Variants in DCAF5 observed in about 807,000 individuals in gnomAD.
The protein encoded by DCAF5 is DDB1 and CUL4 associated factor 5.
A neutral mutation model predicts 80.7 loss-of-function variants in DCAF5; 9 were observed. The ratio of observed to expected loss-of-function variants is 0.11; its 90% CI spans 0.07 to 0.19. The LOEUF (loss-of-function observed/expected upper bound fraction) is 0.19, where lower values mean the gene tolerates loss of function less well. DCAF5 is among the 10% of genes least tolerant of loss of function. The pLI, the probability that DCAF5 is intolerant of heterozygous loss-of-function variation, is 1.00. For missense variants in DCAF5, 842 were observed against 1,205.7 expected (o/e 0.70, Z 4.47); for synonymous variants, 433 against 461.9 (o/e 0.94, Z 0.80).
rs377321543 is a variant in DCAF5 at position 69,075,288 on chromosome 14, T to C, written c.946+57A>G. 2,879 of 1,459,396 alleles carry C rather than the reference T, an allele frequency of 2.0e-3. 51 individuals carry two copies. The South Asian group carries it at 0.026, about 13-fold the overall frequency. 90.4% of individuals were successfully genotyped at this position (1,459,396 alleles called of 1,614,324 possible). A position where few individuals can be genotyped will look rare whatever the true frequency, so the allele number is the denominator to read the frequency against. ...AGATCTGTCCCCTCAGGGCACAGCA[T>C]GCCAAAGGTCAACAGAGCCAGCAAT... is the stretch of plus-strand genomic sequence containing the variant. On this transcript the variant is annotated intron_variant, in intron 7 of 8. Coordinates refer to ENST00000341516, the MANE Select transcript of DCAF5 (RefSeq NM_003861.3).
chr14:69,115,174 G>A (rs1432620629), intron 5 of DCAF5, among the ~76,000 whole-genome samples: 1 of 152,146 alleles, frequency 6.6e-6, no homozygotes, highest in Non-Finnish European at 1.5e-5. Context: ...AGTTCATAGT[G>A]CAAAGGCACA....
At chr14:69,105,033 G>C (rs949216314) in intron 5 of DCAF5, among the ~76,000 whole-genome samples, 3 of 151,844 alleles carry the variant, frequency 2.0e-5, no homozygotes, top group African/African-American at 4.8e-5. Flanking sequence ...TAATATTGTG[G>C]TTATGTTTTT....
intron 2 of DCAF5, among the ~76,000 whole-genome samples, chr14:69,121,512 T>C (rs1209375347): frequency 1.3e-5 from 2 of 152,200 alleles, no homozygotes; most frequent in Non-Finnish European, 2.9e-5. Flanking sequence ...TTAAACCTAA[T>C]AGCTTATATA....
intron 7 of DCAF5, among the ~76,000 whole-genome samples, chr14:69,068,662 C>A (rs973452609): frequency 4.0e-5 from 6 of 148,510 alleles, no homozygotes; most frequent in Admixed American, 1.3e-4. Context: ...CATGCCATTG[C>A]ACTCCAGCCT....
chr14:69,084,810 C>T (rs2039254328), intron 6 of DCAF5: 1 of 1,089,370 alleles, frequency 9.2e-7, no homozygotes, highest in Non-Finnish European at 1.4e-6. Context: ...GATTCAGGAA[C>T]ACTATTGTGT....
chr14:69,148,712 A>C lies in DCAF5; in HGVS notation c.214+4053T>G, dbSNP rs139797856. Reference sequence around the variant, plus strand: ...TCCATTGCCCCCACCGCCCAAAAAAAAAGTAATGTTCACTCAAAATCAAGT... The same window carrying C: ...TCCATTGCCCCCACCGCCCAAAAAACAAGTAATGTTCACTCAAAATCAAGT... On this transcript the variant is annotated intron_variant, in intron 1 of 8. Transcript: ENST00000341516. 3.9e-5 allele frequency among the ~76,000 whole-genome samples: 6 copies of C among 152,294 alleles called. No individual in the cohort carries two copies. The East Asian group carries it at 1.2e-3, about 29-fold the overall frequency.
intron 6 of DCAF5, chr14:69,084,167 G>T: frequency 1.1e-6 from 1 of 911,558 alleles, no homozygotes. Flanking sequence ...TAGAGAACTA[G>T]CCATGCAAAC....
At position 69,052,898 on chromosome 14, in the gene DCAF5, G is replaced by C; in HGVS notation, c.*959C>G. Reference sequence around the variant, plus strand: ...ATTCTGCTCCTCACTAAGCTTCTTCGTTAACACACCTATAACAACTACTTT... The same window carrying C: ...ATTCTGCTCCTCACTAAGCTTCTTCCTTAACACACCTATAACAACTACTTT... On this transcript the variant is annotated 3_prime_UTR_variant, in exon 9 of 9. Coordinates refer to ENST00000341516, the MANE Select transcript of DCAF5 (RefSeq NM_003861.3). 1 of 152,190 alleles carries C rather than the reference G, an allele frequency of 6.6e-6. No individual in the cohort carries two copies. The highest frequency in any genetic ancestry group is 1.5e-5 in the Non-Finnish European group (1 of 68,052). The allele number at this position is 152,190 out of a possible 1,614,324, so 9.4% of individuals were successfully genotyped here. A position where few individuals can be genotyped will look rare whatever the true frequency, so the allele number is the denominator to read the frequency against.
chr14:69,057,348 A>AT (rs11483352), intron 8 of DCAF5, among the ~76,000 whole-genome samples: 53,491 of 147,946 alleles, frequency 0.36, 11,928 homozygotes, highest in East Asian at 0.92. Context: ...AGCCCTTAGG[A>AT]TTTTTTTTTT....
At chr14:69,102,248 A>C (rs991666134) in intron 5 of DCAF5, among the ~76,000 whole-genome samples, 1 of 151,334 alleles carries the variant, frequency 6.6e-6, no homozygotes, top group Non-Finnish European at 1.5e-5. Context: ...AGCTGGGATT[A>C]CAGGCACACG....
chr14:69,068,292 T>C (rs1343989540), intron 7 of DCAF5, among the ~76,000 whole-genome samples: 1 of 152,232 alleles, frequency 6.6e-6, no homozygotes, highest in African/African-American at 2.4e-5. Flanking sequence ...GTTAAAGCCC[T>C]CATCATCCTC....
At chr14:69,070,925 G>A (rs906964250) in intron 7 of DCAF5, among the ~76,000 whole-genome samples, 1 of 151,906 alleles carries the variant, frequency 6.6e-6, no homozygotes, top group Non-Finnish European at 1.5e-5. Context: ...AGCCTCCCGA[G>A]TAGCTGGGAT....
chr14:69,149,669 T>A (rs747924164), intron 1 of DCAF5, among the ~76,000 whole-genome samples: 1 of 152,280 alleles, frequency 6.6e-6, no homozygotes, highest in South Asian at 2.1e-4. Context: ...ATGAAAACAA[T>A]GAACAAACTA....
chr14:69,091,759 C>T lies in DCAF5; in HGVS notation c.794G>A (p.Arg265His), dbSNP rs757111344. The change falls in exon 6 of 9, where the codon CGC becomes CAC. Residue 265 changes from arginine (R) to histidine (H), a missense_variant. Coordinates refer to ENST00000341516, the MANE Select transcript of DCAF5 (RefSeq NM_003861.3). ...ATTGTCAAACTGAAACACAGGCAGG[C>T]GGGAATGGATGTCATAGAGCACAGG... The part of the protein sequence containing the change: ...LPPVLYDIHS[R>H]LPVFQFDNQG... The T allele has an allele frequency of 2.5e-6, 4 of 1,613,914 alleles. No individual in the cohort carries two copies. The highest frequency in any genetic ancestry group is 2.7e-5 in the African/African-American group (2 of 74,894).
chr14:69,082,982 C>T (rs1248392083), intron 6 of DCAF5, among the ~76,000 whole-genome samples: 1 of 152,220 alleles, frequency 6.6e-6, no homozygotes, highest in African/African-American at 2.4e-5. Context: ...CAGATTACAT[C>T]AATTCCACTT....
chr14:69,112,592 T>TACACAC (rs1398075694), intron 5 of DCAF5, among the ~76,000 whole-genome samples: 16 of 84,896 alleles, frequency 1.9e-4, no homozygotes, highest in African/African-American at 9.2e-4. Context: ...GATATATATG[T>TACACAC]ATACACACAC....
chr14:69,151,009 G>A (rs1013330005), intron 1 of DCAF5, among the ~76,000 whole-genome samples: 4 of 152,120 alleles, frequency 2.6e-5, no homozygotes, highest in Non-Finnish European at 5.9e-5. Flanking sequence ...TCCCTCACTC[G>A]GTAGGTAAAG....
intron 5 of DCAF5, among the ~76,000 whole-genome samples, chr14:69,103,733 T>C (rs1437455874): frequency 6.6e-6 from 1 of 152,224 alleles, no homozygotes. Context: ...AAGATATTTA[T>C]CTGTACAATC....
chr14:69,152,914 C>A lies in DCAF5; in HGVS notation c.65G>T (p.Gly22Val). 1.2e-6 allele frequency: 2 copies of A among 1,613,818 alleles called. No homozygotes were observed. The highest frequency in any genetic ancestry group is 1.3e-5 in the African/African-American group (1 of 74,994). The change falls in exon 1 of 9, where the codon GGC becomes GTC. Residue 22 changes from glycine to valine, a missense_variant. Gly to Val is a moderately radical substitution (Grantham distance 109). This residue lies in a region of DCAF5 where 28 missense variants were observed against 28.7 expected (regional missense o/e 0.98). Transcript: ENST00000341516. This position sits in a 1 kb window ranked among gnomAD's most constrained non-coding sequence, Gnocchi z 4.1. The stretch of plus-strand genomic sequence containing the variant: ...AGTGAGCAGGGGGTCCCCATGCAAG[C>A]CCCGCTGGGACAAGAAGCCCACCAC... ...RSVVGFLSQR[G>V]LHGDPLLTQD...
Sources: allele counts gnomAD v4.1 joint callset (sites outside exome capture counted in the v4.1 genomes callset), GRCh38; gene constraint gnomAD v4.1.1; regional missense constraint gnomAD v4.1.1; non-coding constraint Gnocchi (gnomAD v3.1); transcripts MANE v1.5; gene names NCBI Gene and HGNC (gene_info 2026-07-23, HGNC 2026-07-21).